GOLGB1: variants seen among roughly 807,000 people sequenced by gnomAD.
GOLGB1 encodes golgin B1.
In GOLGB1, 174 loss-of-function variants were observed where a neutral mutation model predicts 336.9. The ratio of observed to expected loss-of-function variants is 0.52; its 90% CI spans 0.46 to 0.59. GOLGB1 has a LOEUF of 0.59. GOLGB1 is among the 20% of genes least tolerant of loss of function. GOLGB1 has a pLI of 0.00. For missense variants in GOLGB1, 3,331 were observed against 3,645.3 expected, an observed-to-expected ratio of 0.91 and a Z score of 2.22; for synonymous variants, 1,208 against 1,289.2, an observed-to-expected ratio of 0.94 and a Z score of 1.35.
At chr3:121,670,490 G>T (rs1028535739) in intron 17 of GOLGB1, among the ~76,000 whole-genome samples, 1 of 152,166 alleles carries the variant, frequency 6.6e-6, no homozygotes, top group Non-Finnish European at 1.5e-5. Context: ...TCTGTTAGCT[G>T]AAAATTGCTC....
intron 1 of GOLGB1, among the ~76,000 whole-genome samples, chr3:121,732,474 C>T (rs996209650): frequency 2.0e-5 from 3 of 151,988 alleles, no homozygotes; most frequent in Non-Finnish European, 2.9e-5. Context: ...TCAAATAGTC[C>T]ATAAAATATT....
intron 14 of GOLGB1, among the ~76,000 whole-genome samples, chr3:121,687,721 C>T (rs761834369): frequency 6.6e-6 from 1 of 152,096 alleles, no homozygotes; most frequent in African/African-American, 2.4e-5. Context: ...AATAATAAAG[C>T]AATTCACTGA....
chr3:121,694,493 G>A lies in GOLGB1; in HGVS notation c.6030C>T (p.Ser2010=). 6.2e-7 allele frequency: 1 copy of A among 1,611,070 alleles called. No homozygotes were observed. Among genetic ancestry groups the A allele is most frequent in the Non-Finnish European group, 8.5e-7 (1 of 1,179,544 alleles). ...ACAGTTCCTGAAGTTCCTTTGCATG[G>A]CTTTTATTTCCGGGTTCTTTCTGAG... ...QGAQKEPGNK[S]HAKELQELLK... The change falls in exon 13 of 22, where the codon AGC becomes AGT. Residue 2010 remains serine (S), a synonymous_variant. Transcript: ENST00000614479.
At chr3:121,730,385 G>C (rs1200889496) in intron 2 of GOLGB1, among the ~76,000 whole-genome samples, 1 of 151,866 alleles carries the variant, frequency 6.6e-6, no homozygotes, top group Non-Finnish European at 1.5e-5. Context: ...AGAAAACTAA[G>C]AAGTTTTATT....
Position 121,695,073 on chromosome 3 carries a change from G to A in GOLGB1, c.5450C>T (p.Ser1817Leu). 2 of 1,613,954 alleles carry A rather than the reference G, an allele frequency of 1.2e-6. No individual in the cohort carries two copies. Among genetic ancestry groups the A allele is most frequent in the Non-Finnish European group, 1.7e-6 (2 of 1,180,004 alleles). The change falls in exon 13 of 22, where the codon TCA becomes TTA. Residue 1817 changes from serine (S) to leucine (L), a missense_variant. Physicochemically the swap from Ser to Leu is moderately radical, Grantham distance 145. Coordinates refer to ENST00000614479, the MANE Select transcript of GOLGB1 (RefSeq NM_001366282.2). ...SLSMSTRPTC[S>L]ESVPSAKSAN... ...ACTCTTCGCTGATGGAACCGATTCT[G>A]AACATGTAGGTCTTGTGCTCATACT... is the stretch of plus-strand genomic sequence containing the variant.
At chr3:121,667,080 T>C (rs145578508) in intron 20 of GOLGB1, among the ~76,000 whole-genome samples, 2,573 of 152,324 alleles carry the variant, frequency 0.017, 33 homozygotes, top group Middle Eastern at 0.051. Flanking sequence ...ACATCATTTA[T>C]AAAGCAGTCT....
chr3:121,702,790 A>G (rs1435990605), intron 10 of GOLGB1, among the ~76,000 whole-genome samples, 195 bp from the exon 11 acceptor site: 2 of 152,232 alleles, frequency 1.3e-5, no homozygotes, highest in Non-Finnish European at 2.9e-5. Context: ...AAAGAAATAA[A>G]ATATTTCACA....
At chr3:121,707,499 G>T (rs1331864161) in intron 10 of GOLGB1, among the ~76,000 whole-genome samples, 1 of 151,764 alleles carries the variant, frequency 6.6e-6, no homozygotes, top group Non-Finnish European at 1.5e-5. Context: ...TGGGTAGCAT[G>T]GTGCATGCCT....
At chr3:121,672,977 T>C (rs1241295698) in intron 17 of GOLGB1, among the ~76,000 whole-genome samples, 2 of 152,186 alleles carry the variant, frequency 1.3e-5, no homozygotes, top group Non-Finnish European at 2.9e-5. Flanking sequence ...ATTGTTTCAT[T>C]GGTGGTCTGT....
At chr3:121,686,564 T>G (rs1052049712) in intron 14 of GOLGB1, among the ~76,000 whole-genome samples, 1 of 152,176 alleles carries the variant, frequency 6.6e-6, no homozygotes, top group South Asian at 2.1e-4. Flanking sequence ...CTTAGTCAGT[T>G]CTATGCTAAA....
rs757677881 is a variant in GOLGB1, at chr3:121,695,848, C to T, written c.4675G>A (p.Glu1559Lys). 6.2e-6 allele frequency: 10 copies of T among 1,613,824 alleles called. No homozygotes were observed. The East Asian group carries it at 1.8e-4, about 29-fold the overall frequency. Residue 1559 changes from glutamate to lysine, a missense_variant, in exon 13 of 22, where the codon GAA (glutamate) becomes AAA (lysine). Glu to Lys is a moderately conservative substitution (Grantham distance 56). Transcript: ENST00000614479. ...TTTTCCAATAAAGACCTGTCCATTT[C>T]TGTAATGAGTTTGTCTCTTTCTTCT... ...LQEERDKLIT[E>K]MDRSLLENQS...
chr3:121,680,885 CA>C (rs1940994990), intron 15 of GOLGB1, among the ~76,000 whole-genome samples: 1 of 152,158 alleles, frequency 6.6e-6, no homozygotes, highest in South Asian at 2.1e-4. Context: ...CAAATACACA[CA>C]TTAAAAAGAT....
intron 1 of GOLGB1, among the ~76,000 whole-genome samples, chr3:121,741,331 C>A (rs1576486332): frequency 6.6e-6 from 1 of 151,792 alleles, no homozygotes; most frequent in African/African-American, 2.4e-5. Flanking sequence ...GGAGGAGAGA[C>A]AGCATAGTAT....
chr3:121,723,767 T>C (rs1473183220), intron 5 of GOLGB1, among the ~76,000 whole-genome samples: 8 of 152,174 alleles, frequency 5.3e-5, no homozygotes, highest in Admixed American at 2.0e-4. Flanking sequence ...TCCCATATCT[T>C]TGAACACAAC....
At chr3:121,702,037 G>T (rs764062110) in intron 11 of GOLGB1, among the ~76,000 whole-genome samples, 2 of 151,968 alleles carry the variant, frequency 1.3e-5, no homozygotes, top group East Asian at 3.9e-4. Context: ...TTCTAAGCAG[G>T]GTACAGCACG....
At position 121,690,731 on chromosome 3, in the gene GOLGB1, G is replaced by C; in HGVS notation, c.8633C>G (p.Pro2878Arg). 1 of 1,545,296 alleles carries C rather than the reference G, an allele frequency of 6.5e-7. No individual in the cohort carries two copies. The highest frequency in any genetic ancestry group is 8.7e-7 in the Non-Finnish European group (1 of 1,152,302). The change falls in exon 14 of 22, where the codon CCA (proline) becomes CGA (arginine). Residue 2878 changes from proline to arginine, a missense_variant. Physicochemically the swap from Pro to Arg is moderately radical, Grantham distance 103. Coordinates refer to ENST00000614479, the MANE Select transcript of GOLGB1 (RefSeq NM_001366282.2). Reference protein sequence around the residue: ...QRSAAQPSTSPAEVQSLKKAM... With the variant: ...QRSAAQPSTSRAEVQSLKKAM... ...TTTTTTTAAACTCTGTACTTCAGCT[G>C]GGCTGGTGGAAGGCTGAGCTGCAGA...
chr3:121,725,666 C>T (rs1055916039), intron 5 of GOLGB1, among the ~76,000 whole-genome samples: 2 of 152,070 alleles, frequency 1.3e-5, no homozygotes, highest in South Asian at 4.1e-4. Context: ...ATGTCCCCTC[C>T]AAAACTCACG....
intron 21 of GOLGB1, 57 bp from the exon 22 acceptor site, chr3:121,664,671 CCCT>C: frequency 6.6e-7 from 1 of 1,520,998 alleles, no homozygotes; most frequent in South Asian, 1.1e-5. Flanking sequence ...ATGTTGCTTT[CCCT>C]CCTACTAGTC....
At chr3:121,687,982 T>C (rs564065864) in intron 14 of GOLGB1, among the ~76,000 whole-genome samples, 2 of 152,140 alleles carry the variant, frequency 1.3e-5, no homozygotes, top group Non-Finnish European at 2.9e-5. Flanking sequence ...GTAAAAACCA[T>C]AACTGAACAG....
Sources: allele counts gnomAD v4.1 joint callset (sites outside exome capture counted in the v4.1 genomes callset), GRCh38; gene constraint gnomAD v4.1.1; transcripts MANE v1.5; gene names NCBI Gene and HGNC (gene_info 2026-07-23, HGNC 2026-07-21).